PLCB4: variants seen among roughly 807,000 people sequenced by gnomAD.
PLCB4 encodes phospholipase C beta 4.
In PLCB4, 77 loss-of-function variants were observed where a neutral mutation model predicts 178.8. The ratio of observed to expected loss-of-function variants is 0.43; its 90% CI spans 0.36 to 0.52. The LOEUF (loss-of-function observed/expected upper bound fraction) is 0.52, where lower values mean the gene tolerates loss of function less well. PLCB4 is among the 20% of genes least tolerant of loss of function. The probability of loss-of-function intolerance (pLI) is 0.00; values close to 1 mark genes in which losing one functional copy is unlikely to be tolerated. For synonymous variants in PLCB4, 496 were observed against 490.8 expected, an observed-to-expected ratio of 1.01 and a Z score of -0.14; for missense variants, 1,024 against 1,453.4, an observed-to-expected ratio of 0.70 and a Z score of 4.80.
intron 1 of PLCB4, among the ~76,000 whole-genome samples, chr20:9,080,649 A>G (rs937862483): frequency 1.3e-4 from 20 of 152,154 alleles, no homozygotes; most frequent in African/African-American, 4.8e-4. Flanking sequence ...GGAGGTCTCT[A>G]CATTGCTTTT....
intron 14 of PLCB4, among the ~76,000 whole-genome samples, chr20:9,387,113 T>TCTCCAA (rs1200948661): frequency 1.3e-5 from 2 of 151,896 alleles, no homozygotes; most frequent in African/African-American, 2.4e-5. Flanking sequence ...GCCAGGCTGG[T>TCTCCAA]CTCCAACTCC....
chr20:9,146,566 C>T (rs571767063), intron 2 of PLCB4, among the ~76,000 whole-genome samples: 13 of 152,180 alleles, frequency 8.5e-5, no homozygotes, highest in East Asian at 3.9e-4. Context: ...TTCAGGGCTC[C>T]GCTGAAAGGG....
intron 4 of PLCB4, among the ~76,000 whole-genome samples, chr20:9,315,939 T>TAA (rs57090612): frequency 6.7e-6 from 1 of 149,554 alleles, no homozygotes; most frequent in Non-Finnish European, 1.5e-5. Flanking sequence ...AGATTCTGTC[T>TAA]AAAAAAAAAT....
At chr20:9,361,569 T>A (rs1258276888) in intron 7 of PLCB4, among the ~76,000 whole-genome samples, 1 of 152,206 alleles carries the variant, frequency 6.6e-6, no homozygotes, top group Non-Finnish European at 1.5e-5. Context: ...GTTATGTTGG[T>A]TGCATAACAA....
At chr20:9,333,481 T>C (rs887287269) in intron 4 of PLCB4, among the ~76,000 whole-genome samples, 2 of 152,198 alleles carry the variant, frequency 1.3e-5, no homozygotes, top group Non-Finnish European at 2.9e-5. Context: ...AGAGTTTTTA[T>C]GGTTGTGAAC....
chr20:9,143,577 T>C lies in PLCB4; in HGVS notation c.-79+47235T>C, dbSNP rs371289526. Among the ~76,000 whole-genome samples, 12 of 152,246 alleles carry C rather than the reference T, an allele frequency of 7.9e-5. No individual in the cohort carries two copies. The South Asian group carries it at 2.1e-3, about 26-fold the overall frequency. On this transcript the variant is annotated intron_variant, in intron 2 of 39. Coordinates refer to ENST00000378473, the MANE Select transcript of PLCB4 (RefSeq NM_001377142.1). Reference sequence around the variant, plus strand: ...GTGGAGGGGAGGGATGGTGGAAGGATAGTTTTGGTGCATTTAGCTTAGCCT... The same window carrying C: ...GTGGAGGGGAGGGATGGTGGAAGGACAGTTTTGGTGCATTTAGCTTAGCCT...
intron 1 of PLCB4, among the ~76,000 whole-genome samples, chr20:9,070,784 C>T (rs2089532712): frequency 6.6e-6 from 1 of 152,174 alleles, no homozygotes; most frequent in African/African-American, 2.4e-5. Context: ...TTATGGACTA[C>T]ACTTCCTTCC....
At chr20:9,281,138 G>C (rs1159678394) in intron 3 of PLCB4, among the ~76,000 whole-genome samples, 1 of 151,918 alleles carries the variant, frequency 6.6e-6, no homozygotes, top group East Asian at 1.9e-4. Context: ...CTAACCCTGG[G>C]ATGAGGCTAC....
intron 1 of PLCB4, among the ~76,000 whole-genome samples, chr20:9,072,882 TA>T (rs1226096195): frequency 1.3e-5 from 2 of 152,190 alleles, no homozygotes; most frequent in African/African-American, 2.4e-5. Flanking sequence ...CTTTATCAAA[TA>T]AAAATAGTTG....
At chr20:9,321,143 G>A (rs540445478) in intron 4 of PLCB4, among the ~76,000 whole-genome samples, 6 of 152,214 alleles carry the variant, frequency 3.9e-5, no homozygotes, top group Admixed American at 2.0e-4. Flanking sequence ...ACAGTGCAAA[G>A]TACTTGACAT....
chr20:9,376,411 T>C (rs2036675830), intron 12 of PLCB4, among the ~76,000 whole-genome samples: 1 of 152,194 alleles, frequency 6.6e-6, no homozygotes, highest in Admixed American at 6.5e-5. Context: ...TCTGTTATTC[T>C]CCATTAAGAA....
chr20:9,355,455 C>G (rs71334856), intron 7 of PLCB4, among the ~76,000 whole-genome samples: 10,620 of 152,054 alleles, frequency 0.07, 406 homozygotes, highest in African/African-American at 0.094. Flanking sequence ...TCCCCTGACC[C>G]CACAACAGTC....
chr20:9,458,597 T>C (rs2043199124), intron 34 of PLCB4, among the ~76,000 whole-genome samples: 1 of 152,216 alleles, frequency 6.6e-6, no homozygotes, highest in South Asian at 2.1e-4. Flanking sequence ...ATGGCCTTAC[T>C]TATGTATCTG....
chr20:9,223,412 C>T (rs955233979), intron 3 of PLCB4, among the ~76,000 whole-genome samples: 2 of 152,150 alleles, frequency 1.3e-5, no homozygotes, highest in African/African-American at 4.8e-5. Context: ...CAGCAGTCAC[C>T]TTTTTACCTC....
At chr20:9,380,537 T>C (rs552421454) in intron 13 of PLCB4, among the ~76,000 whole-genome samples, 2 of 152,330 alleles carry the variant, frequency 1.3e-5, no homozygotes, top group Admixed American at 6.5e-5. Flanking sequence ...TTTTTCTCCC[T>C]TTTGTTTTGC....
At chr20:9,413,733 A>G (rs1244143090) in intron 25 of PLCB4, among the ~76,000 whole-genome samples, 2 of 150,942 alleles carry the variant, frequency 1.3e-5, no homozygotes, top group African/African-American at 4.9e-5. Flanking sequence ...AGCCATTATT[A>G]GCACGTGCAG....
At chr20:9,097,918 C>T (rs533922067) in intron 2 of PLCB4, among the ~76,000 whole-genome samples, 14 of 152,248 alleles carry the variant, frequency 9.2e-5, no homozygotes, top group East Asian at 5.8e-4. Context: ...TTGTAATGTT[C>T]GGCCCATTTA....
At chr20:9,219,754 G>C (rs2093776087) in intron 3 of PLCB4, among the ~76,000 whole-genome samples, 1 of 152,152 alleles carries the variant, frequency 6.6e-6, no homozygotes, top group Non-Finnish European at 1.5e-5. Context: ...ACTAAAATCT[G>C]ATTCTTCTAT....
intron 25 of PLCB4, among the ~76,000 whole-genome samples, chr20:9,416,334 ATC>A (rs2040244184): frequency 1.3e-5 from 2 of 152,132 alleles, no homozygotes; most frequent in Non-Finnish European, 2.9e-5. Context: ...AAAGTGAGGA[ATC>A]TCTGGACACT....
Sources: gnomAD v4.1 joint callset for allele counts (sites outside exome capture counted in the v4.1 genomes callset) on GRCh38, gnomAD v4.1.1 for gene constraint, MANE v1.5 for transcripts, NCBI Gene and HGNC (gene_info 2026-07-23, HGNC 2026-07-21) for gene names.